Variants in NTRK3 observed in about 807,000 individuals in gnomAD.
NTRK3 encodes the protein NT-3 growth factor receptor.
In NTRK3, 24 loss-of-function variants were observed where a neutral mutation model predicts 91.7. The observed-to-expected ratio is 0.26, with a 90% CI of 0.19 to 0.37. The LOEUF (loss-of-function observed/expected upper bound fraction) is 0.37, where lower values mean the gene tolerates loss of function less well. NTRK3 is among the 10% of genes least tolerant of loss of function. The probability of loss-of-function intolerance (pLI) is 1.00; values close to 1 mark genes in which losing one functional copy is unlikely to be tolerated. For synonymous variants in NTRK3, 483 were observed against 404.0 expected (o/e 1.20, Z -2.34); for missense variants, 880 against 1,068.9 (o/e 0.82, Z 2.46).
intron 5 of NTRK3, among the ~76,000 whole-genome samples, chr15:88,179,199 CTTCTT>C (rs1251026778): frequency 3.3e-5 from 5 of 152,210 alleles, no homozygotes; most frequent in African/African-American, 1.2e-4. Context: ...GCCTTTCCCT[CTTCTT>C]TTCTGATACC....
At chr15:88,146,434 C>T in intron 6 of NTRK3, among the ~76,000 whole-genome samples, 1 of 152,244 alleles carries the variant, frequency 6.6e-6, no homozygotes, top group East Asian at 1.9e-4. Flanking sequence ...AGAGGGAACA[C>T]ATGAGCGGTG....
At chr15:87,862,766 T>G (rs908285799) in exon 19 of NTRK3, 1 of 229,586 alleles carries the variant, frequency 4.4e-6, no homozygotes, top group Non-Finnish European at 8.6e-6. Flanking sequence ...GCATTCTTAT[T>G]GTGATTGTTT....
chr15:87,915,671 A>G (rs2067394784), intron 17 of NTRK3, among the ~76,000 whole-genome samples: 1 of 152,166 alleles, frequency 6.6e-6, no homozygotes, highest in Admixed American at 6.5e-5. Context: ...TCATAGGGAA[A>G]ACCTTGGCTT....
intron 17 of NTRK3, among the ~76,000 whole-genome samples, chr15:87,881,084 C>T (rs1433063824): frequency 2.0e-5 from 3 of 152,176 alleles, no homozygotes; most frequent in East Asian, 3.9e-4. Context: ...ATATCAACCA[C>T]CTGTGAATCT....
chr15:87,966,869 G>T (rs911310455), intron 14 of NTRK3, among the ~76,000 whole-genome samples: 1 of 152,168 alleles, frequency 6.6e-6, no homozygotes, highest in Non-Finnish European at 1.5e-5. Context: ...GGACTGTATT[G>T]TCTCTAGACT....
chr15:87,968,111 G>T (rs908963755), intron 14 of NTRK3, among the ~76,000 whole-genome samples: 4 of 152,140 alleles, frequency 2.6e-5, no homozygotes, highest in African/African-American at 9.7e-5. Context: ...TGTCTCGCAG[G>T]TATTATTCAT....
chr15:87,883,987 G>GAAAAA (rs397829494), intron 17 of NTRK3, among the ~76,000 whole-genome samples: 1 of 136,880 alleles, frequency 7.3e-6, no homozygotes, highest in Non-Finnish European at 1.6e-5. Context: ...GATTCAGCAA[G>GAAAAA]AAAAAAAAAA....
intron 3 of NTRK3, among the ~76,000 whole-genome samples, chr15:88,223,720 C>T (rs1473880938): frequency 1.3e-5 from 2 of 152,198 alleles, no homozygotes; most frequent in Admixed American, 6.5e-5. Context: ...CCTCCTTGGG[C>T]CACAGGAGGA....
rs1370271350 is a variant in NTRK3, at chr15:88,234,545, C to T, written c.248+21361G>A. Among the ~76,000 whole-genome samples the T allele has an allele frequency of 6.6e-6, 1 of 152,148 alleles. No individual in the cohort carries two copies. Among genetic ancestry groups the T allele is most frequent in the Non-Finnish European group, 1.5e-5 (1 of 68,018 alleles). Reference sequence around the variant, plus strand: ...CCTCCTCTAGACTAGCTCTCCATCGCCTCTGCCCTCGCCATGTTGCTAGTG... The same window carrying T: ...CCTCCTCTAGACTAGCTCTCCATCGTCTCTGCCCTCGCCATGTTGCTAGTG... On this transcript the variant is annotated intron_variant, in intron 3 of 18. Coordinates refer to ENST00000394480, the Ensembl canonical transcript of NTRK3. This position sits in a 1 kb window ranked among gnomAD's most constrained non-coding sequence, Gnocchi z 6.1.
At chr15:88,045,426 C>T (rs1343408188) in intron 13 of NTRK3, among the ~76,000 whole-genome samples, 1 of 152,190 alleles carries the variant, frequency 6.6e-6, no homozygotes, top group Non-Finnish European at 1.5e-5. Context: ...GGCAAGGACT[C>T]TATCCTGGAT....
chr15:87,966,130 G>C (rs2072773623), intron 14 of NTRK3, among the ~76,000 whole-genome samples: 1 of 152,006 alleles, frequency 6.6e-6, no homozygotes, highest in Non-Finnish European at 1.5e-5. Flanking sequence ...TTGGGAACTA[G>C]GTGTCTTTCC....
chr15:88,062,352 T>C (rs570054506), intron 13 of NTRK3, among the ~76,000 whole-genome samples: 1 of 152,322 alleles, frequency 6.6e-6, no homozygotes, highest in Admixed American at 6.5e-5. Flanking sequence ...TCCTACCCCT[T>C]TCCCATTGTT....
intron 14 of NTRK3, among the ~76,000 whole-genome samples, chr15:87,969,787 C>T (rs1392387949): frequency 6.6e-6 from 1 of 152,168 alleles, no homozygotes; most frequent in Non-Finnish European, 1.5e-5. Flanking sequence ...GGCAGAGCTG[C>T]CTTCTTGAGA....
chr15:88,099,437 C>T (rs918546364), intron 13 of NTRK3, among the ~76,000 whole-genome samples: 7 of 151,818 alleles, frequency 4.6e-5, no homozygotes, highest in South Asian at 2.1e-4. Context: ...ACTGCAAAGA[C>T]GTGTATTATG....
At chr15:87,895,630 C>G (rs8035941) in intron 17 of NTRK3, among the ~76,000 whole-genome samples, 104,694 of 151,580 alleles carry the variant, frequency 0.69, 36,335 homozygotes, top group Non-Finnish European at 0.73. Flanking sequence ...GTTTTCCTTC[C>G]TCTCTTTCCA....
rs376074157 is a variant in NTRK3 at position 87,963,268 on chromosome 15, G to C, written c.1586-22515C>G. ...CCCTTGTTCAGCTTAACCACCAAGA[G>C]TACCTAAATACTTGTGCTGTTTTTC... On this transcript the variant is annotated intron_variant, in intron 14 of 18. Coordinates refer to ENST00000394480, the Ensembl canonical transcript of NTRK3. Among the ~76,000 whole-genome samples, 180 of 152,270 alleles carry C rather than the reference G, an allele frequency of 1.2e-3. 6 individuals are homozygous for C. In the South Asian group the frequency reaches 0.037, roughly 31 times the overall value.
intron 3 of NTRK3, among the ~76,000 whole-genome samples, chr15:88,184,617 A>C (rs981520005): frequency 1.1e-4 from 17 of 152,228 alleles, no homozygotes; most frequent in African/African-American, 3.9e-4. Context: ...TTGTCTTCCT[A>C]ACTCAGTTTT....
At chr15:88,076,542 T>C (rs1241179504) in intron 13 of NTRK3, among the ~76,000 whole-genome samples, 1 of 152,082 alleles carries the variant, frequency 6.6e-6, no homozygotes, top group African/African-American at 2.4e-5. Flanking sequence ...AAATAATATT[T>C]CAATGTAAAC....
rs1325886624 is a variant in NTRK3 at position 88,072,521 on chromosome 15, T to C, written c.1397-39476A>G. Reference sequence around the variant, plus strand: ...TGCCCTTTTCTTCTTTCCGTTGTTGTTTTTCATTTTATTTCCTTCTTTATT... The same window carrying C: ...TGCCCTTTTCTTCTTTCCGTTGTTGCTTTTCATTTTATTTCCTTCTTTATT... On this transcript the variant is annotated intron_variant, in intron 13 of 18. Coordinates refer to ENST00000394480, the Ensembl canonical transcript of NTRK3. 5 of 232,514 alleles carry C rather than the reference T, an allele frequency of 2.2e-5. No homozygotes were observed. The South Asian group carries it at 5.4e-4, about 25-fold the overall frequency. The allele number at this position is 232,514 out of a possible 1,614,324, so 14.4% of individuals were successfully genotyped here.
Sources: gnomAD v4.1 joint callset for allele counts (sites outside exome capture counted in the v4.1 genomes callset) on GRCh38, gnomAD v4.1.1 for gene constraint, Gnocchi (gnomAD v3.1) non-coding constraint, MANE v1.5 for transcripts, NCBI Gene and HGNC (gene_info 2026-07-23, HGNC 2026-07-21) for gene names.